KIAA1549L: variants seen among roughly 807,000 people sequenced by gnomAD.
KIAA1549L encodes the protein UPF0606 protein KIAA1549L.
A neutral mutation model predicts 160.7 loss-of-function variants in KIAA1549L; 88 were observed. The ratio of observed to expected loss-of-function variants is 0.55; its 90% CI spans 0.46 to 0.65. The LOEUF is 0.65. KIAA1549L is among the 30% of genes least tolerant of loss of function. The pLI is 0.00. For missense variants in KIAA1549L, 2,258 were observed against 2,437.5 expected (o/e 0.93, Z 1.55); for synonymous variants, 950 against 976.7 (o/e 0.97, Z 0.51).
intron 1 of KIAA1549L, among the ~76,000 whole-genome samples, chr11:33,452,674 T>G (rs927162098): frequency 6.6e-6 from 1 of 152,178 alleles, no homozygotes; most frequent in Admixed American, 6.5e-5. Context: ...TGCACCAACC[T>G]AATACCTTTC....
intron 1 of KIAA1549L, among the ~76,000 whole-genome samples, chr11:33,540,251 C>T (rs1853986171): frequency 6.6e-6 from 1 of 152,172 alleles, no homozygotes; most frequent in African/African-American, 2.4e-5. Context: ...GGCTATGTAA[C>T]TGAAACAAGA....
chr11:33,545,027 T>A lies in KIAA1549L; in HGVS notation c.3034T>A (p.Tyr1012Asn). The change falls in exon 3 of 21, where the codon TAT (tyrosine) becomes AAT (asparagine). Residue 1012 changes from tyrosine (Y) to asparagine (N), a missense_variant. Physicochemically the swap from Tyr to Asn is moderately radical, Grantham distance 143. This residue lies in a region of KIAA1549L where 1,359 missense variants were observed against 1,546.6 expected (regional missense o/e 0.88). Transcript: ENST00000658780. ...CTTCCCATTCACACCAACCTACATGTATGCAAGAACAGGACATACCACGAG... is the reference window on the plus strand; with the variant it reads ...CTTCCCATTCACACCAACCTACATGAATGCAAGAACAGGACATACCACGAG... The part of the protein sequence containing the change: ...TAFPFTPTYM[Y>N]ARTGHTTSTH... 6.2e-7 allele frequency: 1 copy of A among 1,613,936 alleles called. No homozygotes were observed. Among genetic ancestry groups the A allele is most frequent in the Non-Finnish European group, 8.5e-7 (1 of 1,179,878 alleles).
chr11:33,510,368 G>A (rs1303142724), intron 1 of KIAA1549L, among the ~76,000 whole-genome samples: 1 of 152,136 alleles, frequency 6.6e-6, no homozygotes, highest in African/African-American at 2.4e-5. Context: ...CGTACTTGTA[G>A]TAGAGATGGG....
intron 1 of KIAA1549L, among the ~76,000 whole-genome samples, chr11:33,449,459 G>C (rs1851678068): frequency 6.6e-6 from 1 of 152,112 alleles, no homozygotes; most frequent in Non-Finnish European, 1.5e-5. Context: ...TCTGAGTCTG[G>C]AGCAGGCTGC....
chr11:33,397,935 T>C (rs1441504213), intron 1 of KIAA1549L, among the ~76,000 whole-genome samples: 6 of 136,162 alleles, frequency 4.4e-5, no homozygotes, highest in Admixed American at 7.2e-5. Context: ...TTTTTTTTTT[T>C]CTTTTTTTGA....
At position 33,559,880 on chromosome 11, in the gene KIAA1549L, C is replaced by T; in HGVS notation, c.3987C>T (p.Tyr1329=). The T allele has an allele frequency of 1.9e-6, 3 of 1,614,024 alleles. No homozygotes were observed. The highest frequency in any genetic ancestry group is 2.5e-6 in the Non-Finnish European group (3 of 1,179,870). The change falls in exon 7 of 21, where the codon TAC becomes TAT. Residue 1329 remains tyrosine (Y), a synonymous_variant. Coordinates refer to ENST00000658780, the MANE Select transcript of KIAA1549L (RefSeq NM_012194.3). ...SQLSAELVGF[Y]LTYPPLTIAE... ...TCTCGGCTGAGCTGGTGGGATTCTA[C>T]CTCACCTATCCGCCGCTAACCATTG...
At chr11:33,441,328 C>T (rs1009200957) in intron 1 of KIAA1549L, among the ~76,000 whole-genome samples, 3 of 151,896 alleles carry the variant, frequency 2.0e-5, no homozygotes, top group African/African-American at 7.3e-5. Context: ...CATTGTTGGA[C>T]ATTTGGGTTG....
chr11:33,568,275 G>T lies in KIAA1549L; in HGVS notation c.4230+48G>T, dbSNP rs773426018. ...GGGTTTTCTAATAACTGGGGGTAGA[G>T]GGGGGGATGTGCTTCCTGAGACTAA... On this transcript the variant is annotated intron_variant, in intron 9 of 20. Transcript: ENST00000658780. 1.2e-5 allele frequency: 19 copies of T among 1,523,130 alleles called. 1 individual carries two copies. The highest frequency in any genetic ancestry group is 4.8e-5 in the East Asian group (2 of 42,032). 94.4% of individuals were successfully genotyped at this position (1,523,130 alleles called of 1,614,324 possible).
intron 16 of KIAA1549L, among the ~76,000 whole-genome samples, chr11:33,629,595 C>G (rs1348316721): frequency 2.0e-5 from 3 of 151,558 alleles, no homozygotes; most frequent in Non-Finnish European, 4.4e-5. Flanking sequence ...CCTGAGGCTT[C>G]TGCATTCTTC....
At chr11:33,469,528 G>T (rs1852133645) in intron 1 of KIAA1549L, among the ~76,000 whole-genome samples, 1 of 152,030 alleles carries the variant, frequency 6.6e-6, no homozygotes, top group Non-Finnish European at 1.5e-5. Context: ...GGTTCTCTTA[G>T]GTATATACCT....
chr11:33,398,283 A>AAAAAAGGT (rs1446003918), intron 1 of KIAA1549L, among the ~76,000 whole-genome samples: 4 of 152,118 alleles, frequency 2.6e-5, no homozygotes, highest in Admixed American at 2.6e-4. Flanking sequence ...GTAAAAAAAA[A>AAAAAAGGT]AAAAAGGTAA....
intron 13 of KIAA1549L, among the ~76,000 whole-genome samples, chr11:33,606,344 AT>A (rs1564920874): frequency 6.6e-6 from 1 of 152,230 alleles, no homozygotes; most frequent in East Asian, 1.9e-4. Flanking sequence ...TTACTTTTTA[AT>A]TTTTTTCAAC....
intron 1 of KIAA1549L, among the ~76,000 whole-genome samples, chr11:33,462,744 A>G (rs144268692): frequency 3.9e-4 from 59 of 152,056 alleles, no homozygotes; most frequent in African/African-American, 1.3e-3. Flanking sequence ...AAATGATAAT[A>G]TCATGTTTCC....
At chr11:33,441,630 T>C (rs1268797563) in intron 1 of KIAA1549L, among the ~76,000 whole-genome samples, 1 of 152,210 alleles carries the variant, frequency 6.6e-6, no homozygotes, top group African/African-American at 2.4e-5. Flanking sequence ...TGTGAGATGG[T>C]ATCTCATTGT....
chr11:33,583,466 C>A lies in KIAA1549L; in HGVS notation c.4531C>A (p.Pro1511Thr), dbSNP rs1203962647. 1 of 1,582,430 alleles carries A rather than the reference C, an allele frequency of 6.3e-7. No homozygotes were observed. The highest frequency in any genetic ancestry group is 8.6e-7 in the Non-Finnish European group (1 of 1,164,610). Residue 1511 changes from proline (P) to threonine (T), a missense_variant, in exon 11 of 21, where the codon CCT (proline) becomes ACT (threonine). Coordinates refer to ENST00000658780, the MANE Select transcript of KIAA1549L (RefSeq NM_012194.3). ...CAGGAAGAACAAGAACGACTTCAAG[C>A]CTGACACCATGATAAACCTGCCGCA... ...LCRKNKNDFK[P>T]DTMINLPQRA...
chr11:33,536,490 G>A (rs1853896854), intron 1 of KIAA1549L, among the ~76,000 whole-genome samples: 1 of 152,156 alleles, frequency 6.6e-6, no homozygotes, highest in South Asian at 2.1e-4. Flanking sequence ...CACAGAGTGG[G>A]GGCTGGCTTC....
rs781042207 is a variant in KIAA1549L, at chr11:33,544,273, A to C, written c.2710A>C (p.Ser904Arg). 2.0e-5 allele frequency: 33 copies of C among 1,614,002 alleles called. No individual in the cohort carries two copies. Among genetic ancestry groups the C allele is most frequent in the Non-Finnish European group, 2.7e-5 (32 of 1,179,882 alleles). Reference protein sequence around the residue: ...HSAAESSISTSVFPRTSSRVL... With the variant: ...HSAAESSISTRVFPRTSSRVL... ...TGCTGCTGAATCTTCTATATCGACC[A>C]GTGTCTTTCCCAGGACCTCCTCCAG... Residue 904 changes from serine to arginine, a missense_variant, in exon 2 of 21, where the codon AGT (serine) becomes CGT (arginine). This residue lies in a region of KIAA1549L where 287 missense variants were observed against 292.3 expected (regional missense o/e 0.98). Coordinates refer to ENST00000658780, the MANE Select transcript of KIAA1549L (RefSeq NM_012194.3).
chr11:33,469,158 C>A (rs1852123521), intron 1 of KIAA1549L, among the ~76,000 whole-genome samples: 1 of 152,008 alleles, frequency 6.6e-6, no homozygotes, highest in Non-Finnish European at 1.5e-5. Flanking sequence ...ATTTTATCAC[C>A]CCCAAACAAA....
chr11:33,572,079 C>G (rs1855279287), intron 9 of KIAA1549L, among the ~76,000 whole-genome samples: 1 of 151,848 alleles, frequency 6.6e-6, no homozygotes. Flanking sequence ...CTCTGTCGCC[C>G]AGGCTGGAGT....
Sources: allele counts gnomAD v4.1 joint callset (sites outside exome capture counted in the v4.1 genomes callset), GRCh38; gene constraint gnomAD v4.1.1; regional missense constraint gnomAD v4.1.1; transcripts MANE v1.5; gene names NCBI Gene and HGNC (gene_info 2026-07-23, HGNC 2026-07-21).